The following PIGN variants were observed in gnomAD, a reference collection of about 807,000 sequenced individuals.
PIGN encodes the protein GPI ethanolamine phosphate transferase 1.
In PIGN, 117 loss-of-function variants were observed where a neutral mutation model predicts 125.4. The ratio of observed to expected loss-of-function variants is 0.93; its 90% CI spans 0.80 to 1.09. PIGN has a LOEUF of 1.09. Ranked by LOEUF, PIGN falls within the 50% of genes least tolerant of loss-of-function variation. The pLI is 0.00. For synonymous variants in PIGN, 392 were observed against 377.8 expected (o/e 1.04, Z -0.44); for missense variants, 1,075 against 1,094.9 (o/e 0.98, Z 0.26).
chr18:62,072,587 G>T, intron 30 of PIGN, 86 bp downstream of exon 30: 1 of 1,034,544 alleles, frequency 9.7e-7, no homozygotes. Flanking sequence ...ACTCTGTGAT[G>T]TTTGCACAGT....
chr18:62,112,753 T>C (rs2034930301), intron 16 of PIGN: 1 of 208,080 alleles, frequency 4.8e-6, no homozygotes, highest in African/African-American at 2.3e-5. Flanking sequence ...TCCCAAACTT[T>C]TAATATCAAA....
intron 30 of PIGN, among the ~76,000 whole-genome samples, chr18:62,064,843 T>C (rs894647710): frequency 7.2e-5 from 11 of 152,158 alleles, no homozygotes; most frequent in Middle Eastern, 3.2e-3. Flanking sequence ...AATTAGTTTC[T>C]GGTGATCCCA....
chr18:62,072,685 T>G lies in PIGN; in HGVS notation c.2660A>C (p.Asp887Ala), dbSNP rs1483537064. Residue 887 changes from aspartate to alanine, a missense_variant, in exon 30 of 31, where the codon GAT becomes GCT. Asp to Ala is a moderately radical substitution (Grantham distance 126, BLOSUM62 -2). Around this residue, in one of 3 missense-constraint regions of PIGN, gnomAD observed 915 missense variants for 908.7 expected, o/e 1.01. Transcript: ENST00000640252. Reference sequence around the variant, plus strand: ...ATATATACTATACCTTGTCCCAATATCAAGCCAGCTGCCATAATCCTTGAC... The same window carrying G: ...ATATATACTATACCTTGTCCCAATAGCAAGCCAGCTGCCATAATCCTTGAC... ...FLVKDYGSWL[D>A]IGTSISHYVI... 2 of 1,602,214 alleles carry G rather than the reference T, an allele frequency of 1.2e-6. No individual in the cohort carries two copies. Among genetic ancestry groups the G allele is most frequent in the African/African-American group, 2.7e-5 (2 of 73,764 alleles).
At position 62,157,698 on chromosome 18, in the gene PIGN, GCA is replaced by G; in HGVS notation, c.330_331del (p.Ala111SerfsTer13). The G allele has an allele frequency of 1.2e-6, 2 of 1,610,602 alleles. No individual in the cohort carries two copies. Among genetic ancestry groups the G allele is most frequent in the Non-Finnish European group, 1.7e-6 (2 of 1,178,266 alleles). On this transcript the variant is annotated frameshift_variant, in exon 5 of 31. Transcript: ENST00000640252. LOFTEE classifies it high-confidence loss of function. ...CAAATAGACAATACCTTTGGCAACT[GCA>G]CTGACATCTTCATAAAACCCAGCTA...
Position 62,166,657 on chromosome 18 carries a change from T to C in PIGN, c.-235-3001A>G, listed in dbSNP as rs2037144134. Among the ~76,000 whole-genome samples, 3 of 152,254 alleles carry C rather than the reference T, an allele frequency of 2.0e-5. No individual in the cohort carries two copies. The South Asian group carries it at 6.2e-4, about 32-fold the overall frequency. ...CAGCAAAGACTTGAACCAACCCAAA[T>C]GCCCATTAATGATAGACTGGATAAA... On this transcript the variant is annotated intron_variant, in intron 1 of 30. Coordinates refer to ENST00000640252, the MANE Select transcript of PIGN (RefSeq NM_176787.5).
intron 24 of PIGN, 90 bp from the exon 25 acceptor site, chr18:62,088,932 G>A: frequency 1.4e-6 from 1 of 715,628 alleles, no homozygotes; most frequent in Non-Finnish European, 2.5e-6. Context: ...AAGTTACAAT[G>A]GCTAGAAACA....
chr18:62,125,118 GTATA>G (rs1253309206), intron 14 of PIGN, among the ~76,000 whole-genome samples: 3 of 103,716 alleles, frequency 2.9e-5, no homozygotes, highest in East Asian at 2.2e-4. Flanking sequence ...GTACATATGT[GTATA>G]TAAATATACA....
chr18:62,115,967 T>C (rs1382222710), intron 14 of PIGN, among the ~76,000 whole-genome samples: 2 of 151,956 alleles, frequency 1.3e-5, no homozygotes, highest in Non-Finnish European at 2.9e-5. Flanking sequence ...AAAAAAAGAA[T>C]CTGTGCCTAC....
chr18:62,154,940 C>T (rs2036669273), intron 6 of PIGN, among the ~76,000 whole-genome samples: 1 of 152,162 alleles, frequency 6.6e-6, no homozygotes, highest in African/African-American at 2.4e-5. Flanking sequence ...AATCACAACT[C>T]TAATAAGCAA....
chr18:62,019,178 C>T (rs1198808418), intron 23 of PIGN, among the ~76,000 whole-genome samples: 1 of 152,104 alleles, frequency 6.6e-6, no homozygotes, highest in Non-Finnish European at 1.5e-5. Flanking sequence ...CACTGCACTC[C>T]AAACAAACAA....
chr18:62,085,342 T>C (rs2033648047), intron 25 of PIGN, 78 bp from the exon 26 acceptor site: 1 of 941,840 alleles, frequency 1.1e-6, no homozygotes, highest in African/African-American at 1.7e-5. Context: ...GATATGCTAA[T>C]TTTACCTTGA....
rs140910880 is a variant in PIGN, at chr18:62,159,604, GTC to G, written c.221+1527_221+1528del. 0.013 allele frequency among the ~76,000 whole-genome samples: 1,964 copies of G among 152,192 alleles called. 79 individuals carry two copies. In the East Asian group the frequency reaches 0.14, roughly 11 times the overall value. Reference sequence around the variant, plus strand: ...CCACAATGTTCGTCTATTGACTTGAGTCTCTCTTTTCTTTATTTTTATCCTTC... The same window carrying G: ...CCACAATGTTCGTCTATTGACTTGAGTCTCTTTTCTTTATTTTTATCCTTC... On this transcript the variant is annotated intron_variant, in intron 4 of 30. Transcript: ENST00000640252.
At chr18:62,019,241 C>G (rs1044833897) in intron 23 of PIGN, among the ~76,000 whole-genome samples, 7 of 152,188 alleles carry the variant, frequency 4.6e-5, no homozygotes, top group African/African-American at 1.7e-4. Flanking sequence ...TTCATTCCAC[C>G]TCTTTGATAC....
At position 62,119,459 on chromosome 18, in the gene PIGN, C is replaced by G. The variant is rs79667998; in HGVS notation, c.1173-4820G>C. Among the ~76,000 whole-genome samples, 542 of 152,260 alleles carry G rather than the reference C, an allele frequency of 3.6e-3. 5 individuals are homozygous for G. The highest frequency in any genetic ancestry group is 0.02 in the Middle Eastern group (6 of 294). ...AAATGGAAGTTCTAGAATTTAAAAA[C>G]ATTTAACAAGTGAAATTAAGAACTC... On this transcript the variant is annotated intron_variant, in intron 14 of 30. Coordinates refer to ENST00000640252, the MANE Select transcript of PIGN (RefSeq NM_176787.5).
intron 4 of PIGN, among the ~76,000 whole-genome samples, chr18:62,160,389 G>A (rs2036905974): frequency 6.6e-6 from 1 of 151,922 alleles, no homozygotes; most frequent in Non-Finnish European, 1.5e-5. Flanking sequence ...GAAGTGAAAG[G>A]GCTCTATATT....
At position 62,045,671 on chromosome 18, in the gene PIGN, A is replaced by C; in HGVS notation, c.*185T>G. 1 of 463,948 alleles carries C rather than the reference A, an allele frequency of 2.2e-6. No homozygotes were observed. The highest frequency in any genetic ancestry group is 3.7e-6 in the Non-Finnish European group (1 of 271,574). The allele number at this position is 463,948 out of a possible 1,614,324, so 28.7% of individuals were successfully genotyped here. A position where few individuals can be genotyped will look rare whatever the true frequency, so the allele number is the denominator to read the frequency against. On this transcript the variant is annotated 3_prime_UTR_variant, in exon 31 of 31. Coordinates refer to ENST00000640252, the MANE Select transcript of PIGN (RefSeq NM_176787.5). Reference sequence around the variant, plus strand: ...TATAATCACTATTTCATGCCTGCAAAACCTAGAAAAAAAAAGAAGCTCCTT... The same window carrying C: ...TATAATCACTATTTCATGCCTGCAACACCTAGAAAAAAAAAGAAGCTCCTT...
At chr18:62,059,005 G>C (rs1305429141) in intron 30 of PIGN, 1 of 151,936 alleles carries the variant, frequency 6.6e-6, no homozygotes, top group Non-Finnish European at 1.5e-5. Context: ...CTGGGCAGCA[G>C]AGTGAGACCC....
At chr18:62,053,089 G>C in intron 30 of PIGN, 1 of 278,898 alleles carries the variant, frequency 3.6e-6, no homozygotes, top group Non-Finnish European at 6.7e-6. Flanking sequence ...ATATTTGCTA[G>C]CTGATGTGAA....
At chr18:62,050,451 T>C (rs1193355133) in intron 30 of PIGN, among the ~76,000 whole-genome samples, 3 of 152,182 alleles carry the variant, frequency 2.0e-5, no homozygotes, top group Non-Finnish European at 4.4e-5. Context: ...TATTTTATTC[T>C]CTTTGAAGCA....
Sources: gnomAD v4.1 joint callset for allele counts (sites outside exome capture counted in the v4.1 genomes callset) on GRCh38, gnomAD v4.1.1 for gene constraint, gnomAD v4.1.1 regional missense constraint, MANE v1.5 for transcripts, NCBI Gene and HGNC (gene_info 2026-07-23, HGNC 2026-07-21) for gene names.